Variants in SLC4A10 observed in about 807,000 individuals in gnomAD.
The protein encoded by SLC4A10 is solute carrier family 4 member 10, also known as sodium-driven chloride bicarbonate exchanger.
SLC4A10 carries 42 observed loss-of-function variants against 137.7 expected under a neutral mutation model. The observed-to-expected ratio is 0.30, with a 90% CI of 0.24 to 0.39. The LOEUF is 0.39. Among genes scored for constraint, SLC4A10 ranks in the 10% least tolerant of loss-of-function variants. The pLI, the probability that SLC4A10 is intolerant of heterozygous loss-of-function variation, is 1.00. For missense variants in SLC4A10, 925 were observed against 1,355.0 expected, an observed-to-expected ratio of 0.68 and a Z score of 4.98; for synonymous variants, 474 against 464.1, an observed-to-expected ratio of 1.02 and a Z score of -0.27.
chr2:161,759,563 T>C (rs1472541453), intron 1 of SLC4A10, among the ~76,000 whole-genome samples: 1 of 152,040 alleles, frequency 6.6e-6, no homozygotes, highest in Admixed American at 6.6e-5. Flanking sequence ...ATTCTACATA[T>C]AGGTGAGATC....
intron 5 of SLC4A10, among the ~76,000 whole-genome samples, chr2:161,862,490 A>G (rs1310339359): frequency 6.6e-6 from 1 of 152,186 alleles, no homozygotes; most frequent in Non-Finnish European, 1.5e-5. Flanking sequence ...CAAACACATT[A>G]TGAATTTTCA....
intron 13 of SLC4A10, among the ~76,000 whole-genome samples, chr2:161,904,531 C>T (rs567245968): frequency 6.6e-6 from 1 of 152,240 alleles, no homozygotes; most frequent in African/African-American, 2.4e-5. Flanking sequence ...ACATTTAAAC[C>T]TTTTGTAAGG....
intron 19 of SLC4A10, among the ~76,000 whole-genome samples, chr2:161,954,257 G>A (rs1161464764): frequency 6.6e-6 from 1 of 152,174 alleles, no homozygotes; most frequent in African/African-American, 2.4e-5. Flanking sequence ...GACAGATGCA[G>A]GAAATTGCTG....
At chr2:161,963,630 G>A (rs932978858) in intron 21 of SLC4A10, among the ~76,000 whole-genome samples, 8 of 152,098 alleles carry the variant, frequency 5.3e-5, no homozygotes, top group Non-Finnish European at 1.0e-4. Flanking sequence ...GCTGGATAAG[G>A]GTCTAGAACT....
intron 3 of SLC4A10, among the ~76,000 whole-genome samples, chr2:161,818,490 T>C (rs56252029): frequency 0.066 from 10,061 of 152,142 alleles, 430 homozygotes; most frequent in East Asian, 0.15. Flanking sequence ...GCCTGATTGC[T>C]CTGGCCAGAA....
chr2:161,855,823 A>G (rs1218772083), intron 5 of SLC4A10, among the ~76,000 whole-genome samples: 3 of 152,094 alleles, frequency 2.0e-5, no homozygotes, highest in Non-Finnish European at 4.4e-5. Flanking sequence ...AAATGAAATA[A>G]TTGATGGAGG....
chr2:161,759,215 A>C (rs1228277314), intron 1 of SLC4A10, among the ~76,000 whole-genome samples: 1 of 151,910 alleles, frequency 6.6e-6, no homozygotes, highest in East Asian at 1.9e-4. Context: ...GACAAATAAA[A>C]ACTGTGTATA....
At chr2:161,844,387 C>T (rs1489416596) in intron 4 of SLC4A10, among the ~76,000 whole-genome samples, 1 of 152,062 alleles carries the variant, frequency 6.6e-6, no homozygotes, top group South Asian at 2.1e-4. Flanking sequence ...TCTATAAACA[C>T]TAGGTTTGGA....
At chr2:161,652,187 T>A (rs2036895357) in intron 1 of SLC4A10, among the ~76,000 whole-genome samples, 1 of 152,226 alleles carries the variant, frequency 6.6e-6, no homozygotes, top group Non-Finnish European at 1.5e-5. Context: ...TGTACATTAT[T>A]TGTTCTCATT....
At chr2:161,921,757 G>T (rs1187234350) in intron 15 of SLC4A10, among the ~76,000 whole-genome samples, 4 of 152,060 alleles carry the variant, frequency 2.6e-5, no homozygotes, top group Non-Finnish European at 5.9e-5. Context: ...TACAATAAAC[G>T]GTAAATGGGG....
intron 1 of SLC4A10, among the ~76,000 whole-genome samples, chr2:161,634,651 TAATC>T (rs2034121803): frequency 6.6e-6 from 1 of 152,048 alleles, no homozygotes; most frequent in Non-Finnish European, 1.5e-5. Flanking sequence ...CGTTGTATAA[TAATC>T]AAATAAGGGT....
chr2:161,894,602 T>A (rs2063257694), intron 10 of SLC4A10, 77 bp from the exon 11 acceptor site: 1 of 738,354 alleles, frequency 1.4e-6, no homozygotes. Context: ...GTGAGATAAC[T>A]GAGTTGAAAA....
intron 1 of SLC4A10, among the ~76,000 whole-genome samples, chr2:161,679,320 A>C (rs1367455791): frequency 2.0e-5 from 3 of 152,088 alleles, no homozygotes; most frequent in African/African-American, 7.2e-5. Context: ...TTGCTTAAGG[A>C]GCACAAAATC....
intron 16 of SLC4A10, among the ~76,000 whole-genome samples, chr2:161,947,005 A>G (rs945622372): frequency 1.3e-5 from 2 of 152,072 alleles, no homozygotes; most frequent in Non-Finnish European, 2.9e-5. Context: ...TTCTTAGTCA[A>G]TAAGCAATAA....
At chr2:161,775,352 G>T (rs2052191138) in intron 2 of SLC4A10, among the ~76,000 whole-genome samples, 1 of 151,886 alleles carries the variant, frequency 6.6e-6, no homozygotes, top group South Asian at 2.1e-4. Flanking sequence ...TACCATTCCT[G>T]TGGGAAGTAC....
intron 15 of SLC4A10, among the ~76,000 whole-genome samples, chr2:161,935,373 G>T (rs146264033): frequency 6.6e-6 from 1 of 152,098 alleles, no homozygotes; most frequent in African/African-American, 2.4e-5. Flanking sequence ...GTTTTTTGTG[G>T]TTATACAAAG....
chr2:161,758,387 A>C (rs1369888033), intron 1 of SLC4A10, among the ~76,000 whole-genome samples: 1 of 151,754 alleles, frequency 6.6e-6, no homozygotes, highest in African/African-American at 2.4e-5. Flanking sequence ...CTCATGTTTT[A>C]TTTATCTCCC....
chr2:161,754,470 T>A (rs2049360960), intron 1 of SLC4A10, among the ~76,000 whole-genome samples: 1 of 152,176 alleles, frequency 6.6e-6, no homozygotes, highest in East Asian at 1.9e-4. Context: ...GAGACATTGT[T>A]CTCATATGAA....
At chr2:161,654,198 A>G in intron 1 of SLC4A10, among the ~76,000 whole-genome samples, 1 of 152,302 alleles carries the variant, frequency 6.6e-6, no homozygotes, top group African/African-American at 2.4e-5. Flanking sequence ...GTACCTCTTC[A>G]AGTCTTTAGC....
Sources: allele counts gnomAD v4.1 joint callset (sites outside exome capture counted in the v4.1 genomes callset), GRCh38; gene constraint gnomAD v4.1.1; transcripts MANE v1.5; gene names NCBI Gene and HGNC (gene_info 2026-07-23, HGNC 2026-07-21).